The following EPHA4 variants were observed in gnomAD, a reference collection of about 807,000 sequenced individuals.
EPHA4 encodes ephrin type-A receptor 4.
Under a neutral mutation model 108.3 loss-of-function variants are expected in EPHA4, and 19 were observed. The observed-to-expected ratio is 0.18, with a 90% CI of 0.12 to 0.26. The LOEUF is 0.26. EPHA4 is among the 10% of genes least tolerant of loss of function. The pLI, the probability that EPHA4 is intolerant of heterozygous loss-of-function variation, is 1.00. For synonymous variants in EPHA4, 449 were observed against 455.5 expected (o/e 0.99, Z 0.18); for missense variants, 917 against 1,254.0 (o/e 0.73, Z 4.06).
At chr2:221,426,331 T>G in intron 16 of EPHA4, 133 bp downstream of exon 16, 1 of 1,169,742 alleles carries the variant, frequency 8.5e-7, no homozygotes, top group Non-Finnish European at 1.2e-6. Flanking sequence ...CTGTGTAAAA[T>G]TATACTCAAT....
chr2:221,505,971 C>T (rs747614683), intron 3 of EPHA4, among the ~76,000 whole-genome samples: 5 of 152,152 alleles, frequency 3.3e-5, no homozygotes, highest in Non-Finnish European at 7.4e-5. Context: ...ATTACCTTCC[C>T]AGGTAACAAA....
chr2:221,487,613 C>A (rs1692016954), intron 4 of EPHA4, among the ~76,000 whole-genome samples: 2 of 152,066 alleles, frequency 1.3e-5, no homozygotes, highest in Admixed American at 6.6e-5. Context: ...AATTTTTTCA[C>A]CCAAATCAAG....
At chr2:221,551,583 TA>T (rs1268011578) in intron 3 of EPHA4, among the ~76,000 whole-genome samples, 2 of 152,148 alleles carry the variant, frequency 1.3e-5, no homozygotes, top group African/African-American at 4.8e-5. Flanking sequence ...TCATATTCAG[TA>T]ACCATTTAAA....
chr2:221,517,075 C>T (rs1262784426), intron 3 of EPHA4, among the ~76,000 whole-genome samples: 9 of 152,220 alleles, frequency 5.9e-5, no homozygotes, highest in East Asian at 1.9e-4. Flanking sequence ...ATGACTGGCA[C>T]GGCCTGTGTT....
rs563538438 is a variant in EPHA4 at position 221,494,755 on chromosome 2, G to A, written c.979+6262C>T. ...CAGAAGTCTTCCTGCAGGGGTGTGA[G>A]GTTGACCACGCCCAGTCCTGCTGAT... On this transcript the variant is annotated intron_variant, in intron 4 of 17. Coordinates refer to ENST00000281821, the MANE Select transcript of EPHA4 (RefSeq NM_004438.5). Among the ~76,000 whole-genome samples, 10 of 152,302 alleles carry A rather than the reference G, an allele frequency of 6.6e-5. No individual in the cohort carries two copies. In the East Asian group the frequency reaches 1.9e-3, roughly 29 times the overall value.
At chr2:221,515,386 C>A (rs1348520383) in intron 3 of EPHA4, among the ~76,000 whole-genome samples, 1 of 152,204 alleles carries the variant, frequency 6.6e-6, no homozygotes, top group East Asian at 1.9e-4. Context: ...TGAGCCACCA[C>A]GGCCAGCCAA....
chr2:221,521,368 C>T (rs1693159995), intron 3 of EPHA4, among the ~76,000 whole-genome samples: 1 of 151,956 alleles, frequency 6.6e-6, no homozygotes. Flanking sequence ...CTTAAGTTTC[C>T]CAGACCAAAT....
At chr2:221,485,150 G>A (rs1016268321) in intron 4 of EPHA4, among the ~76,000 whole-genome samples, 1 of 152,174 alleles carries the variant, frequency 6.6e-6, no homozygotes, top group Non-Finnish European at 1.5e-5. Flanking sequence ...GTGACACAAT[G>A]AATCAAGCAC....
chr2:221,516,868 C>T (rs1010352310), intron 3 of EPHA4, among the ~76,000 whole-genome samples: 1 of 152,176 alleles, frequency 6.6e-6, no homozygotes, highest in Admixed American at 6.5e-5. Flanking sequence ...AATAAATCCA[C>T]CCCTCCAAAC....
chr2:221,504,499 C>T (rs1312403266), intron 3 of EPHA4, among the ~76,000 whole-genome samples: 3 of 151,236 alleles, frequency 2.0e-5, no homozygotes, highest in Non-Finnish European at 4.4e-5. Flanking sequence ...CAGTATAATG[C>T]CCAATTTAAT....
intron 3 of EPHA4, among the ~76,000 whole-genome samples, chr2:221,540,123 T>C (rs1422480193): frequency 6.6e-6 from 1 of 152,180 alleles, no homozygotes; most frequent in East Asian, 1.9e-4. Flanking sequence ...TTTCACCATG[T>C]TGGCCAGGCT....
chr2:221,567,380 C>G (rs1440328740), intron 2 of EPHA4, among the ~76,000 whole-genome samples: 1 of 152,154 alleles, frequency 6.6e-6, no homozygotes, highest in Admixed American at 6.5e-5. Flanking sequence ...TGACTCTCAC[C>G]AAGATAAAGC....
chr2:221,525,864 C>G (rs1693308580), intron 3 of EPHA4, among the ~76,000 whole-genome samples: 1 of 152,120 alleles, frequency 6.6e-6, no homozygotes, highest in Non-Finnish European at 1.5e-5. Context: ...ACTGTGTCTC[C>G]AGAGTGATAG....
At chr2:221,506,361 C>T (rs1692629776) in intron 3 of EPHA4, among the ~76,000 whole-genome samples, 1 of 152,056 alleles carries the variant, frequency 6.6e-6, no homozygotes, top group Non-Finnish European at 1.5e-5. Context: ...AGCATTACAG[C>T]TTTTGAAGTT....
intron 3 of EPHA4, among the ~76,000 whole-genome samples, chr2:221,543,570 C>T (rs1257203755): frequency 6.6e-6 from 1 of 152,116 alleles, no homozygotes; most frequent in Non-Finnish European, 1.5e-5. Context: ...TTCAACATGG[C>T]TCTAAGCCAT....
intron 15 of EPHA4, among the ~76,000 whole-genome samples, chr2:221,429,106 C>T (rs1689997126): frequency 1.3e-5 from 2 of 152,248 alleles, no homozygotes; most frequent in East Asian, 1.9e-4. Flanking sequence ...GTGAGTGTCT[C>T]ACCTCTCGCA....
At chr2:221,434,485 G>C (rs1046645256) in intron 13 of EPHA4, among the ~76,000 whole-genome samples, 194 bp from the exon 14 acceptor site, 1 of 151,200 alleles carries the variant, frequency 6.6e-6, no homozygotes, top group Non-Finnish European at 1.5e-5. Flanking sequence ...TTTACTCACA[G>C]GGAAGTGACT....
At chr2:221,514,609 G>A (rs958894862) in intron 3 of EPHA4, among the ~76,000 whole-genome samples, 1 of 152,116 alleles carries the variant, frequency 6.6e-6, no homozygotes, top group Non-Finnish European at 1.5e-5. Flanking sequence ...GTTTATCTTT[G>A]TTGGGAGGGA....
chr2:221,549,070 T>A (rs1361585760), intron 3 of EPHA4, among the ~76,000 whole-genome samples: 1 of 152,132 alleles, frequency 6.6e-6, no homozygotes, highest in Non-Finnish European at 1.5e-5. Flanking sequence ...ATGCCAGTGG[T>A]GCTCCTTTTA....
Sources: allele counts gnomAD v4.1 joint callset (sites outside exome capture counted in the v4.1 genomes callset), GRCh38; gene constraint gnomAD v4.1.1; transcripts MANE v1.5; gene names NCBI Gene and HGNC (gene_info 2026-07-23, HGNC 2026-07-21).